SHB: variants seen among roughly 807,000 people sequenced by gnomAD.
SHB encodes the protein SH2 domain-containing adapter protein B.
A neutral mutation model predicts 52.3 loss-of-function variants in SHB; 20 were observed. That is an observed-to-expected ratio of 0.38 (90% CI 0.27 to 0.56). SHB has a LOEUF of 0.56. SHB is among the 20% of genes least tolerant of loss of function. The pLI is 0.71. For missense variants in SHB, 825 were observed against 723.3 expected, an observed-to-expected ratio of 1.14 and a Z score of -1.61; for synonymous variants, 397 against 316.5, an observed-to-expected ratio of 1.25 and a Z score of -2.70.
chr9:37,980,184 T>A (rs567995492), intron 2 of SHB, among the ~76,000 whole-genome samples: 35 of 152,390 alleles, frequency 2.3e-4, no homozygotes, highest in Admixed American at 5.2e-4. Flanking sequence ...AAGATTTCTC[T>A]TAGCGAAAGG....
chr9:37,941,791 C>T (rs915433356), intron 5 of SHB, among the ~76,000 whole-genome samples: 1 of 152,148 alleles, frequency 6.6e-6, no homozygotes, highest in African/African-American at 2.4e-5. Context: ...ACCCTGGTGG[C>T]TCACACATGG....
intron 2 of SHB, among the ~76,000 whole-genome samples, chr9:37,979,680 G>A (rs188745589): frequency 6.1e-4 from 92 of 151,712 alleles, no homozygotes; most frequent in African/African-American, 1.9e-3. Context: ...ACCAAAGTTG[G>A]GTGCAGTGGT....
intron 1 of SHB, among the ~76,000 whole-genome samples, chr9:38,041,436 C>T (rs1821574897): frequency 6.6e-6 from 1 of 152,160 alleles, no homozygotes; most frequent in African/African-American, 2.4e-5. Flanking sequence ...AGGGAGACTG[C>T]GTTGGGACAG....
chr9:37,923,836 C>G (rs897434008), intron 5 of SHB, among the ~76,000 whole-genome samples: 5 of 152,212 alleles, frequency 3.3e-5, no homozygotes, highest in Non-Finnish European at 7.3e-5. Flanking sequence ...GTACACTACC[C>G]TGGCCCAAGG....
At chr9:38,058,990 C>G (rs1821857193) in intron 1 of SHB, among the ~76,000 whole-genome samples, 1 of 152,238 alleles carries the variant, frequency 6.6e-6, no homozygotes, top group African/African-American at 2.4e-5. Context: ...ACTGTATTTA[C>G]TTGACTCCTG....
chr9:37,948,784 C>T (rs1254239872), intron 4 of SHB, 30 bp from the exon 5 acceptor site: 5 of 1,612,388 alleles, frequency 3.1e-6, no homozygotes, highest in Admixed American at 1.7e-5. Flanking sequence ...TGGTCAGAGC[C>T]CAGCGCGATG....
chr9:37,961,606 G>A (rs1832692774), intron 3 of SHB, among the ~76,000 whole-genome samples: 1 of 152,218 alleles, frequency 6.6e-6, no homozygotes, highest in Non-Finnish European at 1.5e-5. Context: ...AGGACAGCCA[G>A]TCCCCAGATC....
intron 5 of SHB, among the ~76,000 whole-genome samples, chr9:37,924,590 G>A (rs1832223452): frequency 1.3e-5 from 2 of 152,164 alleles, no homozygotes; most frequent in African/African-American, 4.8e-5. Context: ...TGCATGGGGA[G>A]CTGCTGTCCT....
At chr9:37,998,381 C>A (rs996807558) in intron 2 of SHB, among the ~76,000 whole-genome samples, 5 of 152,302 alleles carry the variant, frequency 3.3e-5, no homozygotes, top group Non-Finnish European at 7.4e-5. Context: ...ACCCTCAGGG[C>A]CAGATACATG....
chr9:37,998,131 G>A (rs1287357911), intron 2 of SHB, among the ~76,000 whole-genome samples: 1 of 151,166 alleles, frequency 6.6e-6, no homozygotes, highest in Non-Finnish European at 1.5e-5. Flanking sequence ...AGCGCGACGG[G>A]GATTTACAGC....
chr9:37,979,638 A>C (rs372581565), intron 2 of SHB, among the ~76,000 whole-genome samples: 67 of 152,074 alleles, frequency 4.4e-4, no homozygotes, highest in South Asian at 1.9e-3. Flanking sequence ...AAAAACAAAA[A>C]AACAACAACA....
At chr9:37,934,246 G>A (rs1832344225) in intron 5 of SHB, among the ~76,000 whole-genome samples, 1 of 152,184 alleles carries the variant, frequency 6.6e-6, no homozygotes, top group Non-Finnish European at 1.5e-5. Flanking sequence ...GTGTCATCAG[G>A]TATAGTAACA....
chr9:38,009,021 C>G (rs1821104959), intron 2 of SHB, among the ~76,000 whole-genome samples: 1 of 152,182 alleles, frequency 6.6e-6, no homozygotes, highest in Non-Finnish European at 1.5e-5. Context: ...TGCCTGGAAC[C>G]AGGGGTCAGG....
At chr9:38,051,065 A>T (rs1477610626) in intron 1 of SHB, among the ~76,000 whole-genome samples, 3 of 152,224 alleles carry the variant, frequency 2.0e-5, no homozygotes, top group Non-Finnish European at 4.4e-5. Flanking sequence ...CTGGATAAAG[A>T]AAAGTTTCTC....
chr9:38,059,170 C>G (rs1196512851), intron 1 of SHB, among the ~76,000 whole-genome samples: 3 of 152,222 alleles, frequency 2.0e-5, no homozygotes, highest in African/African-American at 7.2e-5. Context: ...GCTCTCACAG[C>G]CCCCTGGGAA....
chr9:37,925,001 G>T (rs959730948), intron 5 of SHB, among the ~76,000 whole-genome samples: 1 of 152,208 alleles, frequency 6.6e-6, no homozygotes, highest in Non-Finnish European at 1.5e-5. Flanking sequence ...AGAACTGGAG[G>T]TTAAGAATCC....
intron 3 of SHB, among the ~76,000 whole-genome samples, chr9:37,968,158 C>A: frequency 6.6e-6 from 1 of 152,188 alleles, no homozygotes. Flanking sequence ...CCTCTGAACA[C>A]CAAAACCAAT....
intron 3 of SHB, among the ~76,000 whole-genome samples, chr9:37,965,438 G>C (rs1832738392): frequency 1.3e-5 from 2 of 152,242 alleles, no homozygotes; most frequent in Non-Finnish European, 2.9e-5. Context: ...CACCTAGTGA[G>C]GAGACAGGTA....
At chr9:38,008,430 G>C (rs1200099774) in intron 2 of SHB, among the ~76,000 whole-genome samples, 3 of 152,222 alleles carry the variant, frequency 2.0e-5, no homozygotes, top group Non-Finnish European at 4.4e-5. Flanking sequence ...TACACTTGAT[G>C]ATCTCCTTCC....
Sources: allele counts gnomAD v4.1 joint callset (sites outside exome capture counted in the v4.1 genomes callset), GRCh38; gene constraint gnomAD v4.1.1; transcripts MANE v1.5; gene names NCBI Gene and HGNC (gene_info 2026-07-23, HGNC 2026-07-21).